MUSTN1: variants seen among roughly 807,000 people sequenced by gnomAD.
MUSTN1 encodes the protein musculoskeletal, embryonic nuclear protein 1.
In MUSTN1, 14 loss-of-function variants were observed where a neutral mutation model predicts 11.8. The ratio of observed to expected loss-of-function variants is 1.18; its 90% CI spans 0.78 to 1.85. The LOEUF is 1.85. Among genes scored for constraint, MUSTN1 ranks in the 40% most tolerant of loss-of-function variants. The pLI, the probability that MUSTN1 is intolerant of heterozygous loss-of-function variation, is 0.00. For missense variants in MUSTN1, 111 were observed against 108.8 expected (o/e 1.02, Z -0.09); for synonymous variants, 42 against 43.3 (o/e 0.97, Z 0.12).
Position 52,833,926 on chromosome 3 carries a change from A to G in MUSTN1, c.10-177T>C, listed in dbSNP as rs1377675370. Among the ~76,000 whole-genome samples, 3 of 152,156 alleles carry G rather than the reference A, an allele frequency of 2.0e-5. No individual in the cohort carries two copies. In the East Asian group the frequency reaches 5.8e-4, roughly 29 times the overall value. On this transcript the variant is annotated intron_variant, in intron 1 of 2. Transcript: ENST00000446157. ...ATACTCCACCTGCTGCAGGTCTCCCAGCTGTCTTGGTCTGACTTGCCCATG... is the reference window on the plus strand; with the variant it reads ...ATACTCCACCTGCTGCAGGTCTCCCGGCTGTCTTGGTCTGACTTGCCCATG...
At chr3:52,833,854 A>G (rs1700644276) in intron 1 of MUSTN1, 105 bp from the exon 2 acceptor site, 9 of 1,469,976 alleles carry the variant, frequency 6.1e-6, no homozygotes, top group Non-Finnish European at 8.1e-6. Flanking sequence ...ATTAAACCCA[A>G]GCCTATTCAA....
Position 52,833,271 on chromosome 3 carries a change from G to A in MUSTN1, c.*53C>T. ...TTCTGGCATAAAAAAGAGTTCCTGG[G>A]AAAGGCTCCTGTTTCCGAGCATTCG... On this transcript the variant is annotated 3_prime_UTR_variant, in exon 3 of 3. Transcript: ENST00000446157. 6.2e-7 allele frequency: 1 copy of A among 1,609,680 alleles called. No homozygotes were observed. Among genetic ancestry groups the A allele is most frequent in the Admixed American group, 1.7e-5 (1 of 59,360 alleles).
At chr3:52,834,763 C>A in intron 1 of MUSTN1, 177 bp downstream of exon 1, 1 of 771,252 alleles carries the variant, frequency 1.3e-6, no homozygotes, top group Non-Finnish European at 2.2e-6. Flanking sequence ...CCACCAAAGC[C>A]ACATAGAAGA....
intron 1 of MUSTN1, chr3:52,834,675 C>CAG: frequency 1.6e-6 from 1 of 616,998 alleles, no homozygotes; most frequent in Admixed American, 2.7e-5. Flanking sequence ...CACACACACA[C>CAG]AGGCACATGC....
chr3:52,834,883 C>T (rs1700671746), intron 1 of MUSTN1, 57 bp downstream of exon 1: 4 of 1,603,812 alleles, frequency 2.5e-6, no homozygotes, highest in Non-Finnish European at 3.4e-6. Flanking sequence ...CGAAAGTGTC[C>T]AGGACTCCAC....
Position 52,834,949 on chromosome 3 carries a change from G to A in MUSTN1, c.-1C>T. 2 of 1,613,606 alleles carry A rather than the reference G, an allele frequency of 1.2e-6. No homozygotes were observed. Among genetic ancestry groups the A allele is most frequent in the East Asian group, 2.2e-5 (1 of 44,878 alleles). The stretch of plus-strand genomic sequence containing the variant: ...TGCTGGGTCCTCCTACCTGGGACAT[G>A]GTGGGTATTGTGTAAGCGCTGGGTC... On this transcript the variant is annotated 5_prime_UTR_variant, in exon 1 of 3. Coordinates refer to ENST00000446157, the MANE Select transcript of MUSTN1 (RefSeq NM_205853.4).
intron 2 of MUSTN1, 31 bp from the exon 3 acceptor site, chr3:52,833,461 C>T: frequency 6.2e-7 from 1 of 1,602,614 alleles, no homozygotes; most frequent in Non-Finnish European, 8.5e-7. Flanking sequence ...AGGGGCCAGC[C>T]TAGCTTCCTG....
Position 52,833,355 on chromosome 3 carries a change from T to C in MUSTN1, c.218A>G (p.Lys73Arg). Reference sequence around the variant, plus strand: ...GAAGACACTCTTGGTGGGTCCGGCTTTGGGCTTCTCAAAGACAGTCTCGGT... The same window carrying C: ...GAAGACACTCTTGGTGGGTCCGGCTCTGGGCTTCTCAAAGACAGTCTCGGT... ...TGTETVFEKP[K>R]AGPTKSVFG The change falls in exon 3 of 3, where the codon AAA becomes AGA. Residue 73 changes from lysine (K) to arginine (R), a missense_variant. By Grantham distance (26) the Lys-to-Arg change is conservative (BLOSUM62 2). Transcript: ENST00000446157. The C allele has an allele frequency of 6.2e-7, 1 of 1,613,812 alleles. No homozygotes were observed. The highest frequency in any genetic ancestry group is 8.5e-7 in the Non-Finnish European group (1 of 1,179,826).
chr3:52,834,040 A>G (rs2276821), intron 1 of MUSTN1, among the ~76,000 whole-genome samples: 135,616 of 152,170 alleles, frequency 0.89, 62,310 homozygotes, highest in Non-Finnish European at 1. Context: ...CAAGCTCAGG[A>G]CTGGGCACAG....
chr3:52,834,546 C>T lies in MUSTN1; in HGVS notation c.9+394G>A, dbSNP rs939520641. 2.0e-5 allele frequency among the ~76,000 whole-genome samples: 3 copies of T among 152,098 alleles called. No homozygotes were observed. The South Asian group carries it at 6.2e-4, about 32-fold the overall frequency. On this transcript the variant is annotated intron_variant, in intron 1 of 2. Transcript: ENST00000446157. ...TGCATATACCATACACAGAGACAGA[C>T]AGACCTATGTGTGTGGCCACACACA...
chr3:52,833,444 TAA>T lies in MUSTN1; in HGVS notation c.143-16_143-15del, dbSNP rs1700633513. On this transcript the variant is annotated splice_polypyrimidine_tract_variant and intron_variant, in intron 2 of 2. Coordinates refer to ENST00000446157, the MANE Select transcript of MUSTN1 (RefSeq NM_205853.4). Reference sequence around the variant, plus strand: ...AGCCAGCTTGCTCTGTGGGAGGAGGTAAAGTCAGGGGCCAGCCTAGCTTCCTG... The same window carrying T: ...AGCCAGCTTGCTCTGTGGGAGGAGGTAGTCAGGGGCCAGCCTAGCTTCCTG... 6.2e-7 allele frequency: 1 copy of T among 1,607,968 alleles called. No individual in the cohort carries two copies. The highest frequency in any genetic ancestry group is 8.5e-7 in the Non-Finnish European group (1 of 1,175,864).
chr3:52,833,452 G>C (rs1186087499), intron 2 of MUSTN1, 22 bp from the exon 3 acceptor site: 1 of 1,606,716 alleles, frequency 6.2e-7, no homozygotes, highest in South Asian at 1.1e-5. Flanking sequence ...GGTAAAGTCA[G>C]GGGCCAGCCT....
Position 52,833,650 on chromosome 3 carries a change from TG to T in MUSTN1, c.108del (p.Lys37SerfsTer?). 1 of 1,609,740 alleles carries T rather than the reference TG, an allele frequency of 6.2e-7. No individual in the cohort carries two copies. The highest frequency in any genetic ancestry group is 1.3e-5 in the African/African-American group (1 of 74,938). Reference protein sequence around the residue: ...ARGNLTKNQEIKSKTYQVMRE... With the variant: ...ARGNLTKNQEXKSKTYQVMRE... ...CGCATGACCTGGTAGGTCTTGGACT[TG>T]ATTTCCTGGTTCTTGGTCAGGTTTC... On this transcript the variant is annotated frameshift_variant, in exon 2 of 3. Transcript: ENST00000446157. LOFTEE classifies it high-confidence loss of function.
In MUSTN1 at chr3:52,834,984, G is replaced by A. The variant is rs754294341; in HGVS notation, c.-36C>T. The A allele has an allele frequency of 2.5e-5, 41 of 1,612,696 alleles. No individual in the cohort carries two copies. The highest frequency in any genetic ancestry group is 1.7e-4 in the Middle Eastern group (1 of 6,058). The stretch of plus-strand genomic sequence containing the variant: ...GTGTAAGCGCTGGGTCTCTGAAGGC[G>A]CCTCTCTGGCAGGCAGCAGCTGCTG... On this transcript the variant is annotated 5_prime_UTR_variant, in exon 1 of 3. Transcript: ENST00000446157.
Position 52,833,129 on chromosome 3 carries a change from G to A in MUSTN1, c.*195C>T. The A allele has an allele frequency of 1.2e-6, 1 of 805,208 alleles. No homozygotes were observed. 49.9% of individuals were successfully genotyped at this position (805,208 alleles called of 1,614,324 possible). A position where few individuals can be genotyped will look rare whatever the true frequency, so the allele number is the denominator to read the frequency against. ...CAACCAACACCTTCTGATTGCTGGG[G>A]CCACGTGGGCATCCTCTTTATTGGT... On this transcript the variant is annotated 3_prime_UTR_variant, in exon 3 of 3. Coordinates refer to ENST00000446157, the MANE Select transcript of MUSTN1 (RefSeq NM_205853.4).
At chr3:52,834,837 T>C in intron 1 of MUSTN1, 103 bp downstream of exon 1, 1 of 1,403,300 alleles carries the variant, frequency 7.1e-7, no homozygotes, top group Non-Finnish European at 9.8e-7. Flanking sequence ...CTCCAGTTCA[T>C]GCTTGGGGCT....
rs1436722430 is a variant in MUSTN1 at position 52,833,604 on chromosome 3, T to C, written c.142+13A>G. Reference sequence around the variant, plus strand: ...CCCCCATCCCCAGCCCCAGATGGCATGAGGACACTCACCACACTCTCGCAT... The same window carrying C: ...CCCCCATCCCCAGCCCCAGATGGCACGAGGACACTCACCACACTCTCGCAT... On this transcript the variant is annotated intron_variant, in intron 2 of 2. Transcript: ENST00000446157. 6.2e-7 allele frequency: 1 copy of C among 1,610,442 alleles called. No individual in the cohort carries two copies. The highest frequency in any genetic ancestry group is 8.5e-7 in the Non-Finnish European group (1 of 1,178,312).
In MUSTN1 at chr3:52,833,753, G is replaced by T; in HGVS notation, c.10-4C>A. On this transcript the variant is annotated splice_region_variant and splice_polypyrimidine_tract_variant and intron_variant, in intron 1 of 2. Transcript: ENST00000446157. ...TAGGGGCTTCCTGAGCACCAGCCTT[G>T]GAGATCCAAGAGCCTCATCTTACTA... The T allele has an allele frequency of 6.3e-7, 1 of 1,575,586 alleles. No homozygotes were observed. The highest frequency in any genetic ancestry group is 2.3e-5 in the East Asian group (1 of 42,932).
At chr3:52,834,632 T>A in intron 1 of MUSTN1, 1 of 551,224 alleles carries the variant, frequency 1.8e-6, no homozygotes, top group South Asian at 2.2e-5. Flanking sequence ...CTGAGCTATA[T>A]CGGCAGCACA....
Sources: allele counts gnomAD v4.1 joint callset (sites outside exome capture counted in the v4.1 genomes callset), GRCh38; gene constraint gnomAD v4.1.1; transcripts MANE v1.5; gene names NCBI Gene and HGNC (gene_info 2026-07-23, HGNC 2026-07-21).